The following FYCO1 variants were observed in gnomAD, a reference collection of about 807,000 sequenced individuals.
FYCO1 encodes FYVE and coiled-coil domain autophagy adaptor 1, also known as FYVE and coiled-coil domain-containing protein 1.
Under a neutral mutation model 165.1 loss-of-function variants are expected in FYCO1, and 122 were observed. The ratio of observed to expected loss-of-function variants is 0.74; its 90% confidence interval spans 0.64 to 0.86. The LOEUF is 0.86. Among genes scored for constraint, FYCO1 ranks in the 40% least tolerant of loss-of-function variants. FYCO1 has a pLI of 0.00. For missense variants in FYCO1, 1,702 were observed against 1,810.3 expected, an observed-to-expected ratio of 0.94 and a Z score of 1.09; for synonymous variants, 648 against 742.5, an observed-to-expected ratio of 0.87 and a Z score of 2.07.
chr3:45,971,539 A>ACTGTG (rs1225704223), intron 6 of FYCO1, among the ~76,000 whole-genome samples: 2 of 152,220 alleles, frequency 1.3e-5, no homozygotes. Flanking sequence ...ACAAATCAAC[A>ACTGTG]CTGTGTGCCT....
chr3:45,953,477 C>T (rs552657344), intron 14 of FYCO1, among the ~76,000 whole-genome samples: 5 of 152,178 alleles, frequency 3.3e-5, no homozygotes, highest in African/African-American at 1.2e-4. Flanking sequence ...GTCATAAACT[C>T]TTGACATTTT....
intron 6 of FYCO1, 81 bp downstream of exon 6, chr3:45,973,007 T>G: frequency 6.6e-7 from 1 of 1,506,020 alleles, no homozygotes; most frequent in Non-Finnish European, 9.2e-7. Flanking sequence ...AGCAAAATTG[T>G]TTTGAGTAGA....
In FYCO1 at chr3:45,919,282, A is replaced by G. The variant is rs1232616312; in HGVS notation, c.*2483T>C. 2 of 152,224 alleles carry G rather than the reference A, an allele frequency of 1.3e-5. No individual in the cohort carries two copies. The highest frequency in any genetic ancestry group is 2.9e-5 in the Non-Finnish European group (2 of 68,042). The allele number at this position is 152,224 out of a possible 1,614,324, so 9.4% of individuals were successfully genotyped here. A position where few individuals can be genotyped will look rare whatever the true frequency, so the allele number is the denominator to read the frequency against. ...AGCTATTTATAAAAGCCACTCTTAA[A>G]TATGCCAAGATGTTTTGTAGCTGCA... On this transcript the variant is annotated 3_prime_UTR_variant, in exon 18 of 18. Coordinates refer to ENST00000296137, the MANE Select transcript of FYCO1 (RefSeq NM_024513.4).
At chr3:45,937,866 G>A (rs963874495) in intron 14 of FYCO1, among the ~76,000 whole-genome samples, 3 of 151,938 alleles carry the variant, frequency 2.0e-5, no homozygotes, top group Non-Finnish European at 4.4e-5. Flanking sequence ...CCCTCACCTC[G>A]GGACAAACAG....
Position 45,958,611 on chromosome 3 carries a change from C to T in FYCO1, c.3596G>A (p.Gly1199Asp). The change falls in exon 13 of 18, where the codon GGC becomes GAC. Residue 1199 changes from glycine to aspartate, a missense_variant. By Grantham distance (94) the Gly-to-Asp change is moderately conservative. Transcript: ENST00000296137. ...GCAGCAGTAGTAACAGAAGATGCGG[C>T]CACATATCCTGGGAACAAAACAAGC... ...MVRRHHCRIC[G>D]RIFCYYCCNN... 2 of 1,614,186 alleles carry T rather than the reference C, an allele frequency of 1.2e-6. No individual in the cohort carries two copies. Among genetic ancestry groups the T allele is most frequent in the African/African-American group, 2.7e-5 (2 of 75,054 alleles).
intron 16 of FYCO1, 65 bp from the exon 17 acceptor site, chr3:45,923,830 G>C (rs1374377646): frequency 2.8e-6 from 3 of 1,067,388 alleles, no homozygotes; most frequent in Admixed American, 3.4e-5. Context: ...CATCCTCAGG[G>C]AAGACCCTTT....
intron 2 of FYCO1, among the ~76,000 whole-genome samples, chr3:45,982,493 T>C (rs1379636665): frequency 2.0e-5 from 3 of 152,154 alleles, no homozygotes; most frequent in Non-Finnish European, 4.4e-5. Context: ...ACCTCTTAAC[T>C]TCTAAGATAA....
rs910937582 is a variant in FYCO1 at position 45,967,739 on chromosome 3, A to G, written c.1595T>C (p.Leu532Pro). 1.2e-6 allele frequency: 2 copies of G among 1,613,066 alleles called. No individual in the cohort carries two copies. The highest frequency in any genetic ancestry group is 2.7e-5 in the African/African-American group (2 of 74,898). The change falls in exon 8 of 18, where the codon CTG (leucine) becomes CCG (proline). Residue 532 changes from leucine (L) to proline (P), a missense_variant. Coordinates refer to ENST00000296137, the MANE Select transcript of FYCO1 (RefSeq NM_024513.4). ...LAQVSQHVSD[L>P]EEQKKQLIQD... ...AATGAGCTGCTTCTTCTGCTCCTCCAGGTCACTCACATGTTGGCTCACCTG... is the reference window on the plus strand; with the variant it reads ...AATGAGCTGCTTCTTCTGCTCCTCCGGGTCACTCACATGTTGGCTCACCTG...
chr3:45,941,268 G>C (rs1704209128), intron 14 of FYCO1: 1 of 152,136 alleles, frequency 6.6e-6, no homozygotes, highest in Admixed American at 6.5e-5. Context: ...CTGAATCCTG[G>C]AACTGATAAC....
At chr3:45,922,755 G>A (rs1703146261) in intron 17 of FYCO1, among the ~76,000 whole-genome samples, 3 of 152,198 alleles carry the variant, frequency 2.0e-5, no homozygotes, top group African/African-American at 7.2e-5. Flanking sequence ...AGGCCTGGAG[G>A]TGGTGAGGGG....
At chr3:45,978,568 G>A (rs549979008) in intron 4 of FYCO1, among the ~76,000 whole-genome samples, 8 of 152,308 alleles carry the variant, frequency 5.3e-5, no homozygotes, top group African/African-American at 1.7e-4. Flanking sequence ...TTGGTGAGGA[G>A]CCCTTCCCAG....
At position 45,993,207 on chromosome 3, in the gene FYCO1, GATCCAAGTGAAC is replaced by G. The variant is rs1196257970; in HGVS notation, c.-113+2503_-113+2514del. Among the ~76,000 whole-genome samples the G allele has an allele frequency of 1.2e-4, 19 of 152,154 alleles. No individual in the cohort carries two copies. The highest frequency in any genetic ancestry group is 4.3e-4 in the African/African-American group (18 of 41,420). On this transcript the variant is annotated intron_variant, in intron 1 of 17. Transcript: ENST00000296137. The surrounding 1 kb of genome is among the most constrained non-coding windows in gnomAD (Gnocchi z 4.4). ...CTTGGTGCCTTTCAAATGCCACAGA[GATCCAAGTGAAC>G]AGGAAGGACCACTGGAAGTTACTAA...
At chr3:45,942,173 C>T (rs989647297) in intron 14 of FYCO1, among the ~76,000 whole-genome samples, 3 of 152,242 alleles carry the variant, frequency 2.0e-5, no homozygotes, top group African/African-American at 4.8e-5. Context: ...CCCCCTGGCA[C>T]AGCTCCATAC....
intron 8 of FYCO1, among the ~76,000 whole-genome samples, chr3:45,965,763 G>A (rs1165678748): frequency 2.6e-5 from 4 of 152,314 alleles, no homozygotes; most frequent in African/African-American, 9.6e-5. Flanking sequence ...CCCTCTGCAG[G>A]GGTTTTAGAG....
At chr3:45,936,384 G>GGA in intron 15 of FYCO1, 64 bp downstream of exon 15, 5 of 1,106,198 alleles carry the variant, frequency 4.5e-6, no homozygotes, top group African/African-American at 1.5e-5. Flanking sequence ...CGCCGGCACT[G>GGA]GAGAGGCCAG....
chr3:45,958,366 G>T (rs1705475874), intron 13 of FYCO1, 42 bp downstream of exon 13: 1 of 1,555,714 alleles, frequency 6.4e-7, no homozygotes, highest in Non-Finnish European at 8.8e-7. Context: ...GGAGGAAGTG[G>T]CACCTAGAGA....
rs1028923980 is a variant in FYCO1 at position 45,993,947 on chromosome 3, C to T, written c.-113+1775G>A. Among the ~76,000 whole-genome samples the T allele has an allele frequency of 2.0e-5, 3 of 152,224 alleles. No individual in the cohort carries two copies. Among genetic ancestry groups the T allele is most frequent in the Middle Eastern group, 3.2e-3 (1 of 316 alleles). The stretch of plus-strand genomic sequence containing the variant: ...GGGGTGAGGGGGCTGCCATTTCTTG[C>T]GTACCTACTTTGTATTCTTGAGTCA... On this transcript the variant is annotated intron_variant, in intron 1 of 17. Transcript: ENST00000296137. This position sits in a 1 kb window ranked among gnomAD's most constrained non-coding sequence, Gnocchi z 4.4.
intron 14 of FYCO1, chr3:45,947,288 C>T (rs900911130): frequency 1.7e-5 from 27 of 1,614,144 alleles, no homozygotes; most frequent in East Asian, 2.2e-5. Context: ...TTCACTACAC[C>T]ATCATGGTGA....
rs1350808268 is a variant in FYCO1, at chr3:45,962,933, T to C, written c.3270-541A>G. On this transcript the variant is annotated intron_variant, in intron 10 of 17. Transcript: ENST00000296137. The surrounding 1 kb of genome is among the most constrained non-coding windows in gnomAD (Gnocchi z 4.4). Reference sequence around the variant, plus strand: ...CCCTGAGGCCCAGGGAATTCCGTTTTGGGTGCTGCAGGGTGTCTCAGTCTA... The same window carrying C: ...CCCTGAGGCCCAGGGAATTCCGTTTCGGGTGCTGCAGGGTGTCTCAGTCTA... Among the ~76,000 whole-genome samples, 1 of 152,198 alleles carries C rather than the reference T, an allele frequency of 6.6e-6. No homozygotes were observed. The highest frequency in any genetic ancestry group is 2.4e-5 in the African/African-American group (1 of 41,440).
Sources: gnomAD v4.1 joint callset for allele counts (sites outside exome capture counted in the v4.1 genomes callset) on GRCh38, gnomAD v4.1.1 for gene constraint, Gnocchi (gnomAD v3.1) non-coding constraint, MANE v1.5 for transcripts, NCBI Gene and HGNC (gene_info 2026-07-23, HGNC 2026-07-21) for gene names.